Variants in FAM184B observed in about 807,000 individuals in gnomAD.
FAM184B encodes family with sequence similarity 184 member B.
In FAM184B, 111 loss-of-function variants were observed where a neutral mutation model predicts 135.9. That is an observed-to-expected ratio of 0.82 (90% CI 0.70 to 0.96). The LOEUF (loss-of-function observed/expected upper bound fraction) is 0.96. FAM184B is among the 40% of genes least tolerant of loss of function. FAM184B has a pLI of 0.00. For missense variants in FAM184B, 1,375 were observed against 1,323.9 expected, an observed-to-expected ratio of 1.04 and a Z score of -0.60; for synonymous variants, 552 against 524.8, an observed-to-expected ratio of 1.05 and a Z score of -0.71.
chr4:17,661,702 G>T (rs1221355655), intron 8 of FAM184B, among the ~76,000 whole-genome samples: 4 of 152,186 alleles, frequency 2.6e-5, no homozygotes, highest in African/African-American at 9.7e-5. Flanking sequence ...GGATACCTGG[G>T]TCTGAACTCT....
At chr4:17,760,431 C>A (rs1422368540) in intron 1 of FAM184B, among the ~76,000 whole-genome samples, 1 of 151,326 alleles carries the variant, frequency 6.6e-6, no homozygotes, top group African/African-American at 2.4e-5. Context: ...GATCGCACCA[C>A]TGTACCCCAG....
At position 17,668,866 on chromosome 4, in the gene FAM184B, T is replaced by C. The variant is rs1052660602; in HGVS notation, c.1597-4207A>G. Among the ~76,000 whole-genome samples, 30 of 152,218 alleles carry C rather than the reference T, an allele frequency of 2.0e-4. 1 individual carries two copies. Among genetic ancestry groups the C allele is most frequent in the African/African-American group, 7.2e-5 (3 of 41,448 alleles). ...ACCACAATTTTCTTACAAATACTTA[T>C]TGATCACTTACTATGTGCCAGGCAT... On this transcript the variant is annotated intron_variant, in intron 7 of 17. Coordinates refer to ENST00000265018, the MANE Select transcript of FAM184B (RefSeq NM_015688.2).
rs1715826083 is a variant in FAM184B at position 17,658,290 on chromosome 4, A to G, written c.2037+60T>C. 8 of 1,440,142 alleles carry G rather than the reference A, an allele frequency of 5.6e-6. No individual in the cohort carries two copies. In the East Asian group the frequency reaches 1.5e-4, roughly 27 times the overall value. 89.2% of individuals were successfully genotyped at this position (1,440,142 alleles called of 1,614,324 possible). On this transcript the variant is annotated intron_variant, in intron 10 of 17. Coordinates refer to ENST00000265018, the MANE Select transcript of FAM184B (RefSeq NM_015688.2). Reference sequence around the variant, plus strand: ...ATGTAGAAAAGGGACGGCTTTGTGCATGGCAGTTCTCACCTAGCAGGTGCC... The same window carrying G: ...ATGTAGAAAAGGGACGGCTTTGTGCGTGGCAGTTCTCACCTAGCAGGTGCC...
chr4:17,662,488 C>T (rs748599806), intron 8 of FAM184B, among the ~76,000 whole-genome samples: 1 of 152,110 alleles, frequency 6.6e-6, no homozygotes, highest in South Asian at 2.1e-4. Context: ...CAGGTGTGTG[C>T]CACCATGCCC....
chr4:17,632,486 A>G lies in FAM184B; in HGVS notation c.*46T>C, dbSNP rs1714982533. The G allele has an allele frequency of 7.1e-7, 1 of 1,409,818 alleles. No individual in the cohort carries two copies. Among genetic ancestry groups the G allele is most frequent in the African/African-American group, 1.4e-5 (1 of 69,852 alleles). 87.3% of individuals were successfully genotyped at this position (1,409,818 alleles called of 1,614,324 possible). ...CATTCCTTCAATCGGATGATTTAAA[A>G]TAAATGTTTTTCAAGTATCCTCTGT... On this transcript the variant is annotated 3_prime_UTR_variant, in exon 18 of 18. Transcript: ENST00000265018.
In FAM184B at chr4:17,781,280, C is replaced by T; in HGVS notation, c.20G>A (p.Ser7Asn). 1 of 1,548,122 alleles carries T rather than the reference C, an allele frequency of 6.5e-7. No individual in the cohort carries two copies. The highest frequency in any genetic ancestry group is 8.7e-7 in the Non-Finnish European group (1 of 1,144,990). The change falls in exon 1 of 18, where the codon AGC becomes AAC. Residue 7 changes from serine (S) to asparagine (N), a missense_variant. Coordinates refer to ENST00000265018, the MANE Select transcript of FAM184B (RefSeq NM_015688.2). This position sits in a 1 kb window ranked among gnomAD's most constrained non-coding sequence, Gnocchi z 6.5. MASALN[S>N]KINPPGTCQG... ...GCAAGTGCCGGGCGGGTTAATTTTG[C>T]TGTTGAGAGCAGAAGCCATCGCTAA...
intron 1 of FAM184B, among the ~76,000 whole-genome samples, chr4:17,715,295 T>C (rs1236742078): frequency 2.0e-5 from 3 of 151,954 alleles, no homozygotes; most frequent in Admixed American, 2.0e-4. Flanking sequence ...GCCAACATGG[T>C]GAAACCCCAT....
At chr4:17,685,280 T>C (rs1378525979) in intron 7 of FAM184B, among the ~76,000 whole-genome samples, 1 of 148,820 alleles carries the variant, frequency 6.7e-6, no homozygotes, top group East Asian at 2.0e-4. Context: ...GCTGGGCAGG[T>C]TGGCTCACAC....
intron 7 of FAM184B, among the ~76,000 whole-genome samples, chr4:17,670,638 C>T (rs1028241049): frequency 6.6e-6 from 1 of 152,202 alleles, no homozygotes; most frequent in African/African-American, 2.4e-5. Context: ...CTCCCAGCTA[C>T]ACTGCATTTG....
chr4:17,690,821 T>A (rs1314062345), intron 6 of FAM184B, among the ~76,000 whole-genome samples: 1 of 152,014 alleles, frequency 6.6e-6, no homozygotes, highest in Non-Finnish European at 1.5e-5. Context: ...CAGAAAGGCT[T>A]AAGGCGTAGG....
intron 1 of FAM184B, among the ~76,000 whole-genome samples, chr4:17,755,201 G>A (rs1482076740): frequency 6.6e-6 from 1 of 151,980 alleles, no homozygotes; most frequent in African/African-American, 2.4e-5. Context: ...GTATCAATAT[G>A]AACTCATGAT....
intron 12 of FAM184B, among the ~76,000 whole-genome samples, chr4:17,643,858 C>T (rs1715393121): frequency 6.6e-6 from 1 of 152,154 alleles, no homozygotes. Flanking sequence ...ATGAGGCAGG[C>T]AGACAGGTTA....
chr4:17,668,394 C>T (rs541664937), intron 7 of FAM184B, among the ~76,000 whole-genome samples: 1 of 152,304 alleles, frequency 6.6e-6, no homozygotes, highest in Admixed American at 6.5e-5. Flanking sequence ...TCTCCAGATC[C>T]TACTTATTCT....
At chr4:17,682,549 A>G (rs1716466694) in intron 7 of FAM184B, among the ~76,000 whole-genome samples, 1 of 151,998 alleles carries the variant, frequency 6.6e-6, no homozygotes, top group African/African-American at 2.4e-5. Flanking sequence ...CCCAGGCTGG[A>G]GTACAGTGGC....
chr4:17,636,613 C>G lies in FAM184B; in HGVS notation c.2699G>C (p.Gly900Ala), dbSNP rs1040601621. The G allele has an allele frequency of 1.3e-6, 2 of 1,550,562 alleles. No homozygotes were observed. Among genetic ancestry groups the G allele is most frequent in the Admixed American group, 2.0e-5 (1 of 50,908 alleles). ...CTGAAGGTCCTCGGGCCTGGACGCT[C>G]CCTTCCCTGGCTTCTCTCCGGAATC... ...LKDSGEKPGKGASRPEDLQLI... is the reference protein window; with the variant it reads ...LKDSGEKPGKAASRPEDLQLI... Residue 900 changes from glycine to alanine, a missense_variant, in exon 15 of 18, where the codon GGA becomes GCA. Coordinates refer to ENST00000265018, the MANE Select transcript of FAM184B (RefSeq NM_015688.2).
intron 1 of FAM184B, among the ~76,000 whole-genome samples, chr4:17,743,873 G>A (rs557490625): frequency 5.9e-5 from 9 of 152,312 alleles, no homozygotes; most frequent in African/African-American, 2.2e-4. Flanking sequence ...GGTATGGCAG[G>A]GTTGGGGTCT....
chr4:17,710,365 A>G (rs1267422376), intron 1 of FAM184B, among the ~76,000 whole-genome samples: 5 of 145,290 alleles, frequency 3.4e-5, no homozygotes, highest in Non-Finnish European at 6.2e-5. Flanking sequence ...AACTGGACAG[A>G]GCAATATATA....
chr4:17,671,671 C>T (rs1716171288), intron 7 of FAM184B, among the ~76,000 whole-genome samples: 1 of 151,762 alleles, frequency 6.6e-6, no homozygotes, highest in African/African-American at 2.4e-5. Flanking sequence ...CATAAATTGA[C>T]CCTAATGAAA....
At chr4:17,724,416 A>G (rs1717597208) in intron 1 of FAM184B, among the ~76,000 whole-genome samples, 1 of 152,204 alleles carries the variant, frequency 6.6e-6, no homozygotes, top group South Asian at 2.1e-4. Context: ...GGGAGAAGAA[A>G]CAGATCCTGA....
Sources: gnomAD v4.1 joint callset for allele counts (sites outside exome capture counted in the v4.1 genomes callset) on GRCh38, gnomAD v4.1.1 for gene constraint, Gnocchi (gnomAD v3.1) non-coding constraint, MANE v1.5 for transcripts, NCBI Gene and HGNC (gene_info 2026-07-23, HGNC 2026-07-21) for gene names.